Variants in NOC3L observed in about 807,000 individuals in gnomAD.
The protein encoded by NOC3L is NOC3 like DNA replication regulator, also known as nucleolar complex protein 3 homolog.
NOC3L carries 85 observed loss-of-function variants against 102.5 expected under a neutral mutation model. That is an observed-to-expected ratio of 0.83 (90% CI 0.70 to 0.99). The LOEUF (loss-of-function observed/expected upper bound fraction) is 0.99. NOC3L is among the 50% of genes least tolerant of loss of function. The pLI, the probability that NOC3L is intolerant of heterozygous loss-of-function variation, is 0.00. For synonymous variants in NOC3L, 303 were observed against 309.4 expected, an observed-to-expected ratio of 0.98 and a Z score of 0.22; for missense variants, 878 against 914.9, an observed-to-expected ratio of 0.96 and a Z score of 0.52.
intron 9 of NOC3L, 79 bp downstream of exon 9, chr10:94,350,034 A>G (rs1676428296): frequency 7.3e-7 from 1 of 1,370,960 alleles, no homozygotes; most frequent in African/African-American, 1.4e-5. Flanking sequence ...CTGGGATTAC[A>G]GGTGTGAGCC....
chr10:94,352,873 T>C, intron 7 of NOC3L, 23 bp downstream of exon 7: 1 of 1,590,932 alleles, frequency 6.3e-7, no homozygotes, highest in Non-Finnish European at 8.6e-7. Context: ...AGATAGTAAT[T>C]ATATCTAGCA....
At chr10:94,339,563 T>A (rs973562131) in intron 17 of NOC3L, among the ~76,000 whole-genome samples, 176 bp downstream of exon 17, 1 of 152,198 alleles carries the variant, frequency 6.6e-6, no homozygotes, top group Non-Finnish European at 1.5e-5. Context: ...GAAGTGTCAA[T>A]AGGTATAAAA....
In NOC3L at chr10:94,346,470, C is replaced by A; in HGVS notation, c.1344G>T (p.Met448Ile). 1 of 1,513,816 alleles carries A rather than the reference C, an allele frequency of 6.6e-7. No homozygotes were observed. The highest frequency in any genetic ancestry group is 1.3e-5 in the South Asian group (1 of 78,534). 93.8% of individuals were successfully genotyped at this position (1,513,816 alleles called of 1,614,324 possible). A position where few individuals can be genotyped will look rare whatever the true frequency, so the allele number is the denominator to read the frequency against. The change falls in exon 11 of 21, where the codon ATG (methionine) becomes ATT (isoleucine). Residue 448 changes from methionine to isoleucine, a missense_variant. Met to Ile is a conservative substitution (Grantham distance 10). Coordinates refer to ENST00000371361, the MANE Select transcript of NOC3L (RefSeq NM_022451.11). ...TEDINKPKKF[M>I]TFKEKRKSLS... ...GAGATTTTCTCTTTTCTTTGAAAGT[C>A]ATAAATTTTTTTGGTTTATTAATGT...
chr10:94,340,198 T>C, intron 16 of NOC3L, 78 bp downstream of exon 16: 2 of 1,210,376 alleles, frequency 1.7e-6, no homozygotes, highest in Non-Finnish European at 2.4e-6. Context: ...CTATTTCTCA[T>C]TTGTCTACAA....
Position 94,356,563 on chromosome 10 carries a change from ATCCTCT to A in NOC3L, c.531_536del (p.Glu177_Glu178del), listed in dbSNP as rs770095411. 6.3e-7 allele frequency: 1 copy of A among 1,579,960 alleles called. No homozygotes were observed. The highest frequency in any genetic ancestry group is 1.7e-5 in the Admixed American group (1 of 59,890). ...CCTCAAGTTCCCTCTCTTCTTCTTG[ATCCTCT>A]TCATCTTTGTTACTATCAGTAACTA... On this transcript the variant is annotated inframe_deletion, in exon 5 of 21. Transcript: ENST00000371361.
At chr10:94,352,472 T>C (rs1018807452) in intron 7 of NOC3L, 69 bp from the exon 8 acceptor site, 11 of 1,030,794 alleles carry the variant, frequency 1.1e-5, no homozygotes, top group East Asian at 2.4e-5. Context: ...TAGTATAAAA[T>C]ATGTGTGTCT....
At chr10:94,337,251 C>CA (rs1235420217) in intron 19 of NOC3L, among the ~76,000 whole-genome samples, 1 of 149,500 alleles carries the variant, frequency 6.7e-6, no homozygotes, top group African/African-American at 2.5e-5. Context: ...CTGCAAGGGC[C>CA]AAAAAAAGAA....
chr10:94,335,493 AG>A (rs1477304282), intron 19 of NOC3L, among the ~76,000 whole-genome samples: 1 of 151,840 alleles, frequency 6.6e-6, no homozygotes, highest in Non-Finnish European at 1.5e-5. Context: ...GAGAAGTGTG[AG>A]GGAAGAAAAA....
In NOC3L at chr10:94,361,829, T is replaced by G; in HGVS notation, c.53A>C (p.Lys18Thr). The change falls in exon 2 of 21, where the codon AAA (lysine) becomes ACA (threonine). Residue 18 changes from lysine (K) to threonine (T), a missense_variant. Transcript: ENST00000371361. ...KQIPSFRKLI[K>T]TSKVKLENKL... ...GTTTTCAAGTTTGACTTTACTAGTT[T>G]TTATTAACTTGCGAAAGCTTGGGAT... The G allele has an allele frequency of 6.2e-7, 1 of 1,613,572 alleles. No homozygotes were observed. Among genetic ancestry groups the G allele is most frequent in the South Asian group, 1.1e-5 (1 of 90,986 alleles).
At chr10:94,362,723 C>T in intron 1 of NOC3L, 107 bp downstream of exon 1, 2 of 1,238,544 alleles carry the variant, frequency 1.6e-6, no homozygotes, top group Non-Finnish European at 2.4e-6. Flanking sequence ...TCTAAACCAC[C>T]GCCCCCTAGA....
downstream of NOC3L, chr10:94,329,189 T>C (rs1422121910): frequency 2.0e-5 from 3 of 152,228 alleles, no homozygotes; most frequent in African/African-American, 7.2e-5. Context: ...ATCCAAGTCA[T>C]ACTTGCCATT....
the NOC3L span, chr10:94,325,596 C>CA: frequency 0.019 from 2,121 of 113,258 alleles, 60 homozygotes; most frequent in African/African-American, 0.063. Context: ...AACTCCGTCT[C>CA]AAAAAAAAAA....
chr10:94,336,953 C>T (rs2133983467), intron 19 of NOC3L, among the ~76,000 whole-genome samples: 1 of 151,218 alleles, frequency 6.6e-6, no homozygotes, highest in Non-Finnish European at 1.5e-5. Context: ...CCTGTAATCC[C>T]AGCTACTCGG....
At chr10:94,335,334 T>C (rs2054206415) in intron 19 of NOC3L, among the ~76,000 whole-genome samples, 1 of 152,062 alleles carries the variant, frequency 6.6e-6, no homozygotes, top group Non-Finnish European at 1.5e-5. Context: ...TCATTCCTCA[T>C]CCTTCTCCAC....
In NOC3L at chr10:94,352,981, A is replaced by G. The variant is rs1193368290; in HGVS notation, c.773T>C (p.Val258Ala). The G allele has an allele frequency of 6.2e-7, 1 of 1,613,864 alleles. No homozygotes were observed. ...AAATAACTCCATCAGAGAAACAATT[A>G]CCAGCTTTCGAACAGTAACAGCCAC... ...PDVAVTVRKL[V>A]IVSLMELFKD... Residue 258 changes from valine to alanine, a missense_variant, in exon 7 of 21, where the codon GTA becomes GCA. Coordinates refer to ENST00000371361, the MANE Select transcript of NOC3L (RefSeq NM_022451.11).
chr10:94,325,233 G>A, the NOC3L span: 1 of 712,348 alleles, frequency 1.4e-6, no homozygotes, highest in Admixed American at 2.2e-5. Flanking sequence ...GGTAGGAATG[G>A]GACCTTAAAA....
intron 11 of NOC3L, 142 bp downstream of exon 11, chr10:94,346,283 A>C: frequency 2.0e-6 from 1 of 506,240 alleles, no homozygotes; most frequent in Non-Finnish European, 3.2e-6. Context: ...CAGTAACAGG[A>C]AAAGATAAAA....
intron 17 of NOC3L, 26 bp from the exon 18 acceptor site, chr10:94,338,762 T>C (rs755430091): frequency 2.8e-5 from 45 of 1,601,840 alleles, no homozygotes; most frequent in Non-Finnish European, 3.5e-5. Context: ...ATAAAAAGAA[T>C]TGGTTAAATT....
At chr10:94,342,489 T>C (rs1222050064) in intron 13 of NOC3L, among the ~76,000 whole-genome samples, 1 of 151,314 alleles carries the variant, frequency 6.6e-6, no homozygotes, top group African/African-American at 2.4e-5. Flanking sequence ...TGACAATTAT[T>C]TATCAAAATT....
Sources: gnomAD v4.1 joint callset for allele counts (sites outside exome capture counted in the v4.1 genomes callset) on GRCh38, gnomAD v4.1.1 for gene constraint, MANE v1.5 for transcripts, NCBI Gene and HGNC (gene_info 2026-07-23, HGNC 2026-07-21) for gene names.